The following DPP6 variants were observed in gnomAD, a reference collection of about 807,000 sequenced individuals.
DPP6 encodes A-type potassium channel modulatory protein DPP6.
DPP6 carries 69 observed loss-of-function variants against 122.6 expected under a neutral mutation model. The ratio of observed to expected loss-of-function variants is 0.56; its 90% CI spans 0.46 to 0.69. The LOEUF is 0.69. DPP6 is among the 30% of genes least tolerant of loss of function. DPP6 has a pLI of 0.00. For synonymous variants in DPP6, 418 were observed against 433.1 expected (o/e 0.97, Z 0.43); for missense variants, 928 against 1,116.9 (o/e 0.83, Z 2.41).
intron 7 of DPP6, among the ~76,000 whole-genome samples, chr7:154,713,236 C>A (rs1295432898): frequency 2.0e-5 from 3 of 152,238 alleles, no homozygotes; most frequent in African/African-American, 7.2e-5. Context: ...AGCCTACCTC[C>A]CAGCTGCTTT....
the DPP6 span, among the ~76,000 whole-genome samples, chr7:153,835,522 C>A: frequency 6.6e-6 from 1 of 152,130 alleles, no homozygotes; most frequent in East Asian, 1.9e-4. Context: ...GAACCAAATG[C>A]TCTCAAGATA....
At chr7:154,397,285 G>A (rs1815175677) in intron 1 of DPP6, among the ~76,000 whole-genome samples, 1 of 151,496 alleles carries the variant, frequency 6.6e-6, no homozygotes, top group Admixed American at 6.6e-5. Flanking sequence ...TGGCTTACCA[G>A]AATTATAAAA....
chr7:153,966,967 T>C (rs1295568934), intron 1 of DPP6, among the ~76,000 whole-genome samples: 1 of 150,984 alleles, frequency 6.6e-6, no homozygotes, highest in Admixed American at 6.6e-5. Context: ...CTTGGGAGGC[T>C]GAGGTGGGAA....
At chr7:153,815,552 C>T in the DPP6 span, among the ~76,000 whole-genome samples, 34 of 150,612 alleles carry the variant, frequency 2.3e-4, no homozygotes, top group African/African-American at 2.9e-4. Context: ...CAGAGTGTGG[C>T]GTTCCCCTTC....
Position 154,875,872 on chromosome 7 carries a change from A to G in DPP6, c.1884-34A>G, listed in dbSNP as rs752528918. 2 of 1,584,122 alleles carry G rather than the reference A, an allele frequency of 1.3e-6. No homozygotes were observed. Among genetic ancestry groups the G allele is most frequent in the Non-Finnish European group, 1.7e-6 (2 of 1,166,388 alleles). On this transcript the variant is annotated intron_variant, in intron 19 of 25. Transcript: ENST00000377770. The surrounding 1 kb of genome is among the most constrained non-coding windows in gnomAD (Gnocchi z 4.5). ...CTAGACCAGCCGCCACCCACCACGC[A>G]GCAGGCCTGCTGAGCCCGGGATTCT...
chr7:154,267,595 A>G (rs563142839), intron 1 of DPP6, among the ~76,000 whole-genome samples: 1 of 151,236 alleles, frequency 6.6e-6, no homozygotes, highest in South Asian at 2.1e-4. Flanking sequence ...ACATACATAT[A>G]TATGTGCATG....
the DPP6 span, among the ~76,000 whole-genome samples, chr7:153,750,035 T>TC: frequency 6.6e-6 from 1 of 152,164 alleles, no homozygotes. Context: ...ATCTACTTGT[T>TC]GGGGTTTGGG....
Position 154,313,710 on chromosome 7 carries a change from TATATAC to T in DPP6, c.244-132502_244-132497del, listed in dbSNP as rs1256218858. Reference sequence around the variant, plus strand: ...GTATATATATATATATATATATATATATATACACACACACGCACGCACACACACACA... The same window carrying T: ...GTATATATATATATATATATATATATACACACACGCACGCACACACACACA... On this transcript the variant is annotated intron_variant, in intron 1 of 25. Coordinates refer to ENST00000377770, the MANE Select transcript of DPP6 (RefSeq NM_130797.4). Among the ~76,000 whole-genome samples the T allele has an allele frequency of 2.0e-3, 32 of 16,200 alleles. 7 individuals carry two copies. The highest frequency in any genetic ancestry group is 7.3e-3 in the African/African-American group (32 of 4,364). 10.6% of individuals were successfully genotyped at this position (16,200 alleles called of 152,430 possible).
In DPP6 at chr7:153,964,822, C is replaced by CTTTCCTTTCCTTTTCCT. The variant is rs1554420643; in HGVS notation, c.51+77096_51+77097insCCTTTTCCTTTTCCTTT. ...CTTTCCTTTCCTTTCCTTTCCTTTCCTTTCCTTTTCCTTTTCCTTTTCCTT... is the reference window on the plus strand; with the variant it reads ...CTTTCCTTTCCTTTCCTTTCCTTTCCTTTCCTTTCCTTTTCCTTTTCCTTTTCCTTTTCCTTTTCCTT... On this transcript the variant is annotated intron_variant, in intron 1 of 25. Coordinates refer to the DPP6 transcript ENST00000404039. 1.5e-3 allele frequency among the ~76,000 whole-genome samples: 61 copies of CTTTCCTTTCCTTTTCCT among 41,192 alleles called. 4 individuals are homozygous for CTTTCCTTTCCTTTTCCT. Among genetic ancestry groups the CTTTCCTTTCCTTTTCCT allele is most frequent in the African/African-American group, 5.0e-3 (53 of 10,638 alleles). 27.0% of individuals were successfully genotyped at this position (41,192 alleles called of 152,430 possible).
chr7:154,495,749 G>A (rs140474655), intron 3 of DPP6, among the ~76,000 whole-genome samples: 4 of 152,244 alleles, frequency 2.6e-5, no homozygotes, highest in East Asian at 1.9e-4. Context: ...GAACCAGTGC[G>A]GGGAGGTAAG....
chr7:154,169,732 AATTATT>A (rs1408583343), intron 1 of DPP6, among the ~76,000 whole-genome samples: 1 of 152,016 alleles, frequency 6.6e-6, no homozygotes, highest in East Asian at 1.9e-4. Context: ...AAAGAGCCAA[AATTATT>A]ATTATTATTT....
In DPP6 at chr7:153,948,438, G is replaced by A. The variant is rs565269164; in HGVS notation, c.51+60704G>A. On this transcript the variant is annotated intron_variant, in intron 1 of 25. Transcript: ENST00000404039. ...TGCCATAAATTCTAGACATATTACA[G>A]GAAAACCAGCAAGCCCACACCGGTT... Among the ~76,000 whole-genome samples, 691 of 152,104 alleles carry A rather than the reference G, an allele frequency of 4.5e-3. 6 individuals are homozygous for A. The highest frequency in any genetic ancestry group is 0.016 in the African/African-American group (656 of 41,472).
chr7:154,824,069 C>G (rs1799975978), intron 16 of DPP6, among the ~76,000 whole-genome samples: 1 of 152,172 alleles, frequency 6.6e-6, no homozygotes, highest in South Asian at 2.1e-4. Flanking sequence ...CATTCTTCTC[C>G]TTAGTGGCTA....
chr7:153,782,806 T>C, the DPP6 span, among the ~76,000 whole-genome samples: 1 of 152,328 alleles, frequency 6.6e-6, no homozygotes, highest in African/African-American at 2.4e-5. Context: ...CTCTCCGCTC[T>C]GTGTTGTTAC....
chr7:154,436,199 T>C (rs2151268070), intron 1 of DPP6, among the ~76,000 whole-genome samples: 1 of 151,126 alleles, frequency 6.6e-6, no homozygotes, highest in Non-Finnish European at 1.5e-5. Flanking sequence ...CTGGGCCTGG[T>C]TTTCTTTGTG....
chr7:154,070,455 G>A (rs1803038179), intron 1 of DPP6, among the ~76,000 whole-genome samples: 1 of 152,088 alleles, frequency 6.6e-6, no homozygotes, highest in Admixed American at 6.6e-5. Flanking sequence ...TTTTTAAAAG[G>A]TCCTGACAAA....
chr7:154,818,125 G>C (rs1411803196), intron 16 of DPP6, among the ~76,000 whole-genome samples: 1 of 152,160 alleles, frequency 6.6e-6, no homozygotes, highest in Admixed American at 6.5e-5. Flanking sequence ...GACTCCTGAA[G>C]CATTATGGCC....
intron 16 of DPP6, among the ~76,000 whole-genome samples, chr7:154,829,186 C>G (rs536138312): frequency 6.7e-6 from 1 of 150,128 alleles, no homozygotes; most frequent in East Asian, 2.0e-4. Context: ...AGTTTGAGAC[C>G]AGCCTGGGCA....
At chr7:154,698,969 G>A (rs1840368052) in intron 7 of DPP6, among the ~76,000 whole-genome samples, 1 of 152,170 alleles carries the variant, frequency 6.6e-6, no homozygotes. Flanking sequence ...ACCTACAGAC[G>A]GGATAACGAG....
Sources: allele counts gnomAD v4.1 joint callset (sites outside exome capture counted in the v4.1 genomes callset), GRCh38; gene constraint gnomAD v4.1.1; non-coding constraint Gnocchi (gnomAD v3.1); transcripts MANE v1.5; gene names NCBI Gene and HGNC (gene_info 2026-07-23, HGNC 2026-07-21).